NKAIN1: variants seen among roughly 807,000 people sequenced by gnomAD.
NKAIN1 encodes sodium/potassium transporting ATPase interacting 1.
Under a neutral mutation model 31.6 loss-of-function variants are expected in NKAIN1, and 13 were observed. That is an observed-to-expected ratio of 0.41 (90% CI 0.27 to 0.65). The LOEUF (loss-of-function observed/expected upper bound fraction) is 0.65, where lower values mean the gene tolerates loss of function less well. NKAIN1 is among the 30% of genes least tolerant of loss of function. The pLI is 0.30. For missense variants in NKAIN1, 193 were observed against 262.2 expected, an observed-to-expected ratio of 0.74 and a Z score of 1.82; for synonymous variants, 104 against 109.0, an observed-to-expected ratio of 0.95 and a Z score of 0.28.
intron 1 of NKAIN1, among the ~76,000 whole-genome samples, chr1:31,212,021 T>G (rs1645473886): frequency 6.6e-6 from 1 of 152,020 alleles, no homozygotes; most frequent in Non-Finnish European, 1.5e-5. Flanking sequence ...AAGAACAAAG[T>G]TTGAGGACTC....
intron 1 of NKAIN1, among the ~76,000 whole-genome samples, chr1:31,204,888 GA>G (rs1244727098): frequency 6.6e-6 from 1 of 152,140 alleles, no homozygotes; most frequent in Non-Finnish European, 1.5e-5. Context: ...ATCTACCCAG[GA>G]TGGGACTGAG....
chr1:31,183,674 C>T (rs1348402977), intron 4 of NKAIN1, 143 bp downstream of exon 4: 1 of 830,746 alleles, frequency 1.2e-6, no homozygotes, highest in Non-Finnish European at 1.9e-6. Context: ...TCTTGAACTC[C>T]TGACCTCAGG....
At chr1:31,206,013 C>A in intron 1 of NKAIN1, among the ~76,000 whole-genome samples, 1 of 150,684 alleles carries the variant, frequency 6.6e-6, no homozygotes. Flanking sequence ...GTGGGTGGAT[C>A]ACCTGAGGTC....
intron 1 of NKAIN1, among the ~76,000 whole-genome samples, chr1:31,195,396 A>G (rs887541145): frequency 3.3e-5 from 5 of 152,178 alleles, no homozygotes; most frequent in African/African-American, 1.2e-4. Flanking sequence ...TGCTGGAATT[A>G]CAGGCATAAG....
chr1:31,210,774 G>A (rs1645462496), intron 1 of NKAIN1, among the ~76,000 whole-genome samples: 1 of 152,212 alleles, frequency 6.6e-6, no homozygotes, highest in Non-Finnish European at 1.5e-5. Flanking sequence ...CAACCCTGAA[G>A]TTAGGGACAT....
At chr1:31,225,587 C>T (rs1029353354) in intron 1 of NKAIN1, among the ~76,000 whole-genome samples, 5 of 152,094 alleles carry the variant, frequency 3.3e-5, no homozygotes, top group Non-Finnish European at 7.4e-5. Context: ...CATGGCCTCC[C>T]AAAATGTTGA....
chr1:31,214,756 C>A (rs138449431), intron 1 of NKAIN1, among the ~76,000 whole-genome samples: 4 of 152,234 alleles, frequency 2.6e-5, no homozygotes, highest in Admixed American at 2.6e-4. Flanking sequence ...CAGAGATGAG[C>A]GCCTGTGCAA....
chr1:31,189,210 G>A (rs552380185), intron 1 of NKAIN1, among the ~76,000 whole-genome samples: 7 of 152,026 alleles, frequency 4.6e-5, no homozygotes, highest in African/African-American at 1.2e-4. Context: ...AGATCACCCC[G>A]GGTCACTAGC....
chr1:31,184,956 C>A (rs1645231398), intron 3 of NKAIN1, among the ~76,000 whole-genome samples: 1 of 152,236 alleles, frequency 6.6e-6, no homozygotes. Flanking sequence ...CTAAGAGTAG[C>A]TTTCTGGGCT....
chr1:31,194,456 G>T (rs1281365284), intron 1 of NKAIN1, among the ~76,000 whole-genome samples: 4 of 143,844 alleles, frequency 2.8e-5, no homozygotes, highest in Non-Finnish European at 4.5e-5. Context: ...ACCCAGGCTG[G>T]AGTGCAATGG....
intron 1 of NKAIN1, among the ~76,000 whole-genome samples, chr1:31,236,039 A>G (rs1324136642): frequency 2.6e-5 from 4 of 152,212 alleles, no homozygotes; most frequent in African/African-American, 9.6e-5. Context: ...AATTCATTAT[A>G]TGGACTGAGT....
chr1:31,230,680 C>A (rs1461127074), intron 1 of NKAIN1, among the ~76,000 whole-genome samples: 1 of 152,136 alleles, frequency 6.6e-6, no homozygotes, highest in East Asian at 1.9e-4. Flanking sequence ...AGCTCTCCCC[C>A]CATGGCCTGG....
At chr1:31,216,587 G>C (rs1645514333) in intron 1 of NKAIN1, among the ~76,000 whole-genome samples, 1 of 152,168 alleles carries the variant, frequency 6.6e-6, no homozygotes, top group African/African-American at 2.4e-5. Context: ...GAGTTTAACA[G>C]ACTCGCTGCC....
intron 1 of NKAIN1, among the ~76,000 whole-genome samples, chr1:31,230,473 C>T (rs911114147): frequency 2.0e-5 from 3 of 152,160 alleles, no homozygotes; most frequent in African/African-American, 7.2e-5. Flanking sequence ...GGCCAGGAGG[C>T]CAATGTAAAT....
At chr1:31,186,394 G>GT (rs11303246) in intron 2 of NKAIN1, among the ~76,000 whole-genome samples, 2,346 of 97,262 alleles carry the variant, frequency 0.024, 32 homozygotes, top group East Asian at 0.042. Context: ...ATTCTTTTGT[G>GT]TTTTTTTTTT....
chr1:31,215,291 C>G (rs1224146390), intron 1 of NKAIN1, among the ~76,000 whole-genome samples: 1 of 152,196 alleles, frequency 6.6e-6, no homozygotes, highest in Non-Finnish European at 1.5e-5. Flanking sequence ...CAGTACTCCC[C>G]CCAACCCAGG....
intron 1 of NKAIN1, among the ~76,000 whole-genome samples, chr1:31,229,679 T>C (rs1645631642): frequency 6.6e-6 from 1 of 152,024 alleles, no homozygotes; most frequent in Non-Finnish European, 1.5e-5. Context: ...CCTGACAACC[T>C]GACACCCAGG....
intron 5 of NKAIN1, 35 bp downstream of exon 5, chr1:31,182,495 C>A: frequency 6.2e-7 from 1 of 1,612,574 alleles, no homozygotes. Context: ...GGCGCAGGGC[C>A]AGATTCCCCA....
chr1:31,181,991 G>C lies in NKAIN1; in HGVS notation c.533-50C>G, dbSNP rs368141909. 2.0e-6 allele frequency: 3 copies of C among 1,535,940 alleles called. No individual in the cohort carries two copies. The African/African-American group carries it at 4.1e-5, about 21-fold the overall frequency. On this transcript the variant is annotated intron_variant, in intron 5 of 6. Transcript: ENST00000373736. Reference sequence around the variant, plus strand: ...TAGGGATCGGCGGCGGGGGCGAGGAGAGGGAGACTGGGTCCTGAAGGGGAA... The same window carrying C: ...TAGGGATCGGCGGCGGGGGCGAGGACAGGGAGACTGGGTCCTGAAGGGGAA...
Sources: allele counts gnomAD v4.1 joint callset (sites outside exome capture counted in the v4.1 genomes callset), GRCh38; gene constraint gnomAD v4.1.1; transcripts MANE v1.5; gene names NCBI Gene and HGNC (gene_info 2026-07-23, HGNC 2026-07-21).